Variants in MARCHF6 observed in about 807,000 individuals in gnomAD.
MARCHF6 encodes the protein membrane associated ring-CH-type finger 6.
In MARCHF6, 31 loss-of-function variants were observed where a neutral mutation model predicts 133.7. That is an observed-to-expected ratio of 0.23 (90% CI 0.17 to 0.31). The LOEUF (loss-of-function observed/expected upper bound fraction) is 0.31. MARCHF6 is among the 10% of genes least tolerant of loss of function. The probability of loss-of-function intolerance (pLI) is 1.00; values close to 1 mark genes in which losing one functional copy is unlikely to be tolerated. For synonymous variants in MARCHF6, 395 were observed against 402.5 expected (o/e 0.98, Z 0.22); for missense variants, 723 against 1,121.6 (o/e 0.64, Z 5.08).
At chr5:10,385,306 A>C (rs1737400430) in intron 4 of MARCHF6, among the ~76,000 whole-genome samples, 1 of 152,196 alleles carries the variant, frequency 6.6e-6, no homozygotes, top group African/African-American at 2.4e-5. Flanking sequence ...TACACTTAAG[A>C]TTTATGTAAA....
chr5:10,427,897 A>G (rs986947277), intron 24 of MARCHF6, among the ~76,000 whole-genome samples: 6 of 151,986 alleles, frequency 3.9e-5, no homozygotes, highest in African/African-American at 1.5e-4. Flanking sequence ...GCGAGACCCA[A>G]CCTCTAAAAA....
At chr5:10,354,302 G>A (rs971242257) in intron 1 of MARCHF6, among the ~76,000 whole-genome samples, 3 of 152,134 alleles carry the variant, frequency 2.0e-5, no homozygotes, top group African/African-American at 4.8e-5. Context: ...CTTTCTTTAC[G>A]TCCTTCTGCC....
chr5:10,368,991 GA>G (rs1736300735), intron 1 of MARCHF6, among the ~76,000 whole-genome samples: 2 of 152,280 alleles, frequency 1.3e-5, no homozygotes, highest in South Asian at 4.1e-4. Flanking sequence ...AATGTGGGTG[GA>G]GGGGGAAGTG....
At chr5:10,354,097 C>T (rs1735283276) in intron 1 of MARCHF6, 180 bp downstream of exon 1, 2 of 460,684 alleles carry the variant, frequency 4.3e-6, no homozygotes, top group South Asian at 8.2e-5. Context: ...GCGCCCCCCG[C>T]CGTTTCCCGC....
chr5:10,420,850 GATTT>G (rs1054093340), intron 22 of MARCHF6, among the ~76,000 whole-genome samples: 4 of 152,142 alleles, frequency 2.6e-5, no homozygotes, highest in Non-Finnish European at 4.4e-5. Flanking sequence ...TTCTAGATAA[GATTT>G]ATTTATTAAG....
At chr5:10,397,215 C>CTAT (rs1192400459) in intron 9 of MARCHF6, 78 bp from the exon 10 acceptor site, 2 of 1,066,682 alleles carry the variant, frequency 1.9e-6, no homozygotes, top group African/African-American at 3.3e-5. Flanking sequence ...TTGGCTCTAG[C>CTAT]TAAATAAGTG....
chr5:10,405,409 AC>A, intron 15 of MARCHF6, 148 bp from the exon 16 acceptor site: 1 of 568,694 alleles, frequency 1.8e-6, no homozygotes. Flanking sequence ...TTAGGAACTT[AC>A]TTTCCTAAGA....
intron 4 of MARCHF6, among the ~76,000 whole-genome samples, chr5:10,385,272 A>G (rs1561116230): frequency 2.0e-5 from 3 of 152,226 alleles, no homozygotes; most frequent in South Asian, 4.1e-4. Flanking sequence ...AAAGATATAC[A>G]TATTTTAAGA....
chr5:10,356,343 ATTTATTTTATTTTATTTTAT>A lies in MARCHF6; in HGVS notation c.19+2475_19+2494del, dbSNP rs56348470. Among the ~76,000 whole-genome samples, 277 of 101,488 alleles carry A rather than the reference ATTTATTTTATTTTATTTTAT, an allele frequency of 2.7e-3. 1 individual carries two copies. The highest frequency in any genetic ancestry group is 8.1e-3 in the South Asian group (25 of 3,094). The allele number at this position is 101,488 out of a possible 152,430, so 66.6% of individuals were successfully genotyped here. ...TTATACTGTTGTGGTTCTGTTTTTTATTTATTTTATTTTATTTTATTTTATTTTATTTTATTTTATTTTAT... is the reference window on the plus strand; with the variant it reads ...TTATACTGTTGTGGTTCTGTTTTTTATTTATTTTATTTTATTTTATTTTAT... On this transcript the variant is annotated intron_variant, in intron 1 of 25. Transcript: ENST00000274140.
At chr5:10,431,210 A>G (rs921126298) in intron 25 of MARCHF6, among the ~76,000 whole-genome samples, 1 of 152,234 alleles carries the variant, frequency 6.6e-6, no homozygotes, top group South Asian at 2.1e-4. Context: ...CAGTCAGAGT[A>G]CAAAGGACTG....
At position 10,397,279 on chromosome 5, in the gene MARCHF6, C is replaced by G. The variant is rs769838495; in HGVS notation, c.862-14C>G. 6.5e-7 allele frequency: 1 copy of G among 1,543,936 alleles called. No individual in the cohort carries two copies. Among genetic ancestry groups the G allele is most frequent in the Non-Finnish European group, 8.7e-7 (1 of 1,147,928 alleles). On this transcript the variant is annotated splice_polypyrimidine_tract_variant and intron_variant, in intron 9 of 25. Transcript: ENST00000274140. ...ATGAATTGAATATGCTTTATTGATG[C>G]TTTTTTCCTTTAGGAACATGTCTTC...
chr5:10,353,701 G>GCCCCTC lies in MARCHF6; in HGVS notation c.-189_-184dup, dbSNP rs1735236106. 1 of 135,710 alleles carries GCCCCTC rather than the reference G, an allele frequency of 7.4e-6. No homozygotes were observed. The highest frequency in any genetic ancestry group is 1.5e-5 in the Non-Finnish European group (1 of 68,338). The allele number at this position is 135,710 out of a possible 1,614,324, so 8.4% of individuals were successfully genotyped here. ...CCAGGCCTCGCCCCTAGGTGTTCCC[G>GCCCCTC]CCCCTCCCCCTCCCGTGTCGCTCGC... On this transcript the variant is annotated 5_prime_UTR_variant, in exon 1 of 26. Coordinates refer to ENST00000274140, the MANE Select transcript of MARCHF6 (RefSeq NM_005885.4).
chr5:10,408,153 C>G (rs567237944), intron 17 of MARCHF6, among the ~76,000 whole-genome samples: 1 of 152,314 alleles, frequency 6.6e-6, no homozygotes, highest in East Asian at 1.9e-4. Context: ...AAATCTCTTA[C>G]TAATCTAACT....
rs1377014897 is a variant in MARCHF6 at position 10,371,073 on chromosome 5, C to G, written c.20-6725C>G. Reference sequence around the variant, plus strand: ...GAGCTAGTTTTTAATCCTCATTTGGCCCTTGGTTGATAATTACTTGGTTCT... The same window carrying G: ...GAGCTAGTTTTTAATCCTCATTTGGGCCTTGGTTGATAATTACTTGGTTCT... On this transcript the variant is annotated intron_variant, in intron 1 of 25. Coordinates refer to ENST00000274140, the MANE Select transcript of MARCHF6 (RefSeq NM_005885.4). Among the ~76,000 whole-genome samples the G allele has an allele frequency of 2.6e-5, 4 of 152,248 alleles. No homozygotes were observed. The South Asian group carries it at 8.3e-4, about 32-fold the overall frequency.
chr5:10,376,394 C>T (rs1441022175), intron 1 of MARCHF6, among the ~76,000 whole-genome samples: 1 of 151,892 alleles, frequency 6.6e-6, no homozygotes, highest in African/African-American at 2.4e-5. Context: ...GAAGAAACTC[C>T]GAACACGTCC....
At chr5:10,414,400 C>G (rs1561142045) in intron 19 of MARCHF6, 33 bp from the exon 20 acceptor site, 1 of 1,262,200 alleles carries the variant, frequency 7.9e-7, no homozygotes, top group Non-Finnish European at 1.2e-6. Flanking sequence ...CACGTGTTCT[C>G]TATTTATGCA....
chr5:10,361,203 T>C (rs943722998), intron 1 of MARCHF6, among the ~76,000 whole-genome samples: 1 of 152,152 alleles, frequency 6.6e-6, no homozygotes, highest in Non-Finnish European at 1.5e-5. Context: ...GAAGAGGTAA[T>C]ATAAGGAGGA....
intron 15 of MARCHF6, among the ~76,000 whole-genome samples, chr5:10,405,205 G>T (rs775911681): frequency 4.6e-5 from 7 of 152,092 alleles, no homozygotes; most frequent in Non-Finnish European, 1.0e-4. Flanking sequence ...AAATCAGACC[G>T]TCTATTTAGT....
chr5:10,399,595 TA>T (rs1738400380), intron 10 of MARCHF6, among the ~76,000 whole-genome samples: 1 of 152,158 alleles, frequency 6.6e-6, no homozygotes, highest in African/African-American at 2.4e-5. Flanking sequence ...ATAAAGGTTT[TA>T]AAAATACTTT....
Sources: gnomAD v4.1 joint callset for allele counts (sites outside exome capture counted in the v4.1 genomes callset) on GRCh38, gnomAD v4.1.1 for gene constraint, MANE v1.5 for transcripts, NCBI Gene and HGNC (gene_info 2026-07-23, HGNC 2026-07-21) for gene names.